The following TAS2R1 variants were observed in gnomAD, a reference collection of about 807,000 sequenced individuals.
TAS2R1 encodes the protein taste receptor type 2 member 1.
For synonymous variants in TAS2R1, 141 were observed against 134.2 expected (o/e 1.05, Z -0.35); for missense variants, 370 against 353.4 (o/e 1.05, Z -0.38).
At chr5:9,888,602 T>C in the TAS2R1 span, among the ~76,000 whole-genome samples, 1 of 152,068 alleles carries the variant, frequency 6.6e-6, no homozygotes, top group East Asian at 1.9e-4. Flanking sequence ...TGTGCAACGG[T>C]GAGGAAAGGG....
chr5:9,767,504 G>C, the TAS2R1 span, among the ~76,000 whole-genome samples: 1 of 152,082 alleles, frequency 6.6e-6, no homozygotes, highest in African/African-American at 2.4e-5. Context: ...GATCTCCTAG[G>C]GTCATTGAAG....
chr5:9,836,419 G>A, the TAS2R1 span, among the ~76,000 whole-genome samples: 1 of 152,104 alleles, frequency 6.6e-6, no homozygotes. Flanking sequence ...TTGGAGGGCT[G>A]TCATGTGCAT....
intron 1 of TAS2R1, among the ~76,000 whole-genome samples, chr5:9,695,652 C>T (rs371358723): frequency 3.9e-5 from 6 of 152,018 alleles, no homozygotes; most frequent in Non-Finnish European, 7.4e-5. Context: ...CAGGTCTCCA[C>T]GACTCTACCC....
At chr5:9,846,194 A>G in the TAS2R1 span, among the ~76,000 whole-genome samples, 3 of 152,272 alleles carry the variant, frequency 2.0e-5, no homozygotes, top group African/African-American at 4.8e-5. Flanking sequence ...GAAGAAATGG[A>G]TACTTCAACA....
At chr5:9,648,092 C>T (rs993008791) in intron 2 of TAS2R1, among the ~76,000 whole-genome samples, 1 of 152,090 alleles carries the variant, frequency 6.6e-6, no homozygotes, top group Non-Finnish European at 1.5e-5. Flanking sequence ...ATTCAAAATG[C>T]ATCATTCTTT....
chr5:9,717,258 G>C (rs933187854), upstream of TAS2R1, among the ~76,000 whole-genome samples: 1 of 152,142 alleles, frequency 6.6e-6, no homozygotes, highest in Admixed American at 6.5e-5. Flanking sequence ...ACTTGTGGGG[G>C]ATAATCAGAT....
the TAS2R1 span, among the ~76,000 whole-genome samples, chr5:9,766,686 G>A: frequency 5.3e-5 from 8 of 152,252 alleles, no homozygotes; most frequent in African/African-American, 1.9e-4. Context: ...ACAGTGCACT[G>A]TGGTGGTTGA....
the TAS2R1 span, among the ~76,000 whole-genome samples, chr5:9,786,780 CT>C: frequency 3.5e-4 from 53 of 152,236 alleles, no homozygotes; most frequent in East Asian, 9.6e-3. Context: ...GAGAAATAAC[CT>C]CCTTTACTGA....
intron 1 of TAS2R1, among the ~76,000 whole-genome samples, chr5:9,662,199 T>G (rs1236682907): frequency 6.6e-6 from 1 of 152,188 alleles, no homozygotes; most frequent in Non-Finnish European, 1.5e-5. Context: ...TACTCCTTGA[T>G]GAGAAGAGCA....
intron 1 of TAS2R1, among the ~76,000 whole-genome samples, chr5:9,705,059 T>C (rs1161285237): frequency 1.3e-5 from 2 of 152,190 alleles, no homozygotes; most frequent in Admixed American, 6.5e-5. Context: ...AAAAAAACCA[T>C]ACAATCATTC....
chr5:9,889,387 C>T, the TAS2R1 span, among the ~76,000 whole-genome samples: 212 of 152,300 alleles, frequency 1.4e-3, no homozygotes, highest in African/African-American at 5.0e-3. Flanking sequence ...GCTCATGTAT[C>T]TGGCTGACGT....
At chr5:9,893,244 G>A in the TAS2R1 span, among the ~76,000 whole-genome samples, 3 of 142,716 alleles carry the variant, frequency 2.1e-5, no homozygotes, top group Middle Eastern at 3.9e-3. Context: ...AGTCTCAGAT[G>A]CCCAGGCTGG....
chr5:9,727,823 G>T, the TAS2R1 span, among the ~76,000 whole-genome samples: 1 of 152,188 alleles, frequency 6.6e-6, no homozygotes, highest in East Asian at 1.9e-4. Context: ...AGCTCCCAGG[G>T]CCCCAGTGAG....
At chr5:9,879,150 A>AT in the TAS2R1 span, among the ~76,000 whole-genome samples, 10 of 152,268 alleles carry the variant, frequency 6.6e-5, no homozygotes, top group Admixed American at 6.5e-4. Context: ...CAAGGCAAAT[A>AT]TTTTAATGCA....
At chr5:9,753,505 C>T in the TAS2R1 span, among the ~76,000 whole-genome samples, 1 of 152,128 alleles carries the variant, frequency 6.6e-6, no homozygotes, top group Non-Finnish European at 1.5e-5. Context: ...GTTGCCTGTT[C>T]ACTCTGATGG....
intron 2 of TAS2R1, chr5:9,642,079 G>C (rs1390058144): frequency 1.3e-5 from 2 of 152,202 alleles, no homozygotes; most frequent in South Asian, 2.1e-4. Context: ...GGAAAGAGTT[G>C]CTTATTTATA....
At chr5:9,727,025 T>C in the TAS2R1 span, among the ~76,000 whole-genome samples, 1 of 152,210 alleles carries the variant, frequency 6.6e-6, no homozygotes, top group African/African-American at 2.4e-5. Context: ...TTGAGAAATA[T>C]GACCCCATCA....
chr5:9,649,550 C>T (rs892897894), intron 2 of TAS2R1, among the ~76,000 whole-genome samples: 2 of 152,142 alleles, frequency 1.3e-5, no homozygotes, highest in African/African-American at 4.8e-5. Context: ...GCTTCTATTT[C>T]CCCAATTTCC....
At chr5:9,787,046 A>G in the TAS2R1 span, among the ~76,000 whole-genome samples, 1 of 152,088 alleles carries the variant, frequency 6.6e-6, no homozygotes, top group Non-Finnish European at 1.5e-5. Flanking sequence ...TCCCTCAACT[A>G]TATGTTTTGG....
Sources: allele counts gnomAD v4.1 joint callset (sites outside exome capture counted in the v4.1 genomes callset), GRCh38; gene constraint gnomAD v4.1.1; transcripts MANE v1.5; gene names NCBI Gene and HGNC (gene_info 2026-07-23, HGNC 2026-07-21).